The following ITGAX variants were observed in gnomAD, a reference collection of about 807,000 sequenced individuals.
ITGAX encodes integrin subunit alpha X.
ITGAX carries 99 observed loss-of-function variants against 140.2 expected under a neutral mutation model. That is an observed-to-expected ratio of 0.71 (90% CI 0.60 to 0.83). The LOEUF (loss-of-function observed/expected upper bound fraction) is 0.83, where lower values mean the gene tolerates loss of function less well. ITGAX is among the 40% of genes least tolerant of loss of function. ITGAX has a pLI of 0.00. For missense variants in ITGAX, 1,444 were observed against 1,482.0 expected (o/e 0.97, Z 0.42); for synonymous variants, 631 against 600.4 (o/e 1.05, Z -0.75).
At position 31,371,219 on chromosome 16, in the gene ITGAX, G is replaced by C. The variant is rs772886840; in HGVS notation, c.1841+5G>C. ...GGGCCAGGTGCTCCTGCTCAGGTGA[G>C]AGCAGCCTTTCTCAGAGGCTCCCCA... On this transcript the variant is annotated splice_donor_5th_base_variant and intron_variant, in intron 15 of 29. Transcript: ENST00000268296. The C allele has an allele frequency of 1.2e-5, 19 of 1,604,858 alleles. No individual in the cohort carries two copies. Among genetic ancestry groups the C allele is most frequent in the Non-Finnish European group, 1.4e-5 (16 of 1,174,854 alleles).
Position 31,371,674 on chromosome 16 carries a change from G to A in ITGAX, c.2050G>A (p.Gly684Ser), listed in dbSNP as rs1398252593. 1.2e-6 allele frequency: 2 copies of A among 1,614,090 alleles called. No individual in the cohort carries two copies. The highest frequency in any genetic ancestry group is 2.2e-5 in the East Asian group (1 of 44,872). The change falls in exon 17 of 30, where the codon GGC becomes AGC. Residue 684 changes from glycine to serine, a missense_variant. Gly to Ser is a moderately conservative substitution (Grantham distance 56). Transcript: ENST00000268296. ...SVTLDLALDP[G>S]RLSPRATFQE... ...GACCTTGGACCTGGCCCTCGACCCT[G>A]GCCGCCTGAGTCCCCGTGCCACCTT...
chr16:31,363,396 G>C, intron 14 of ITGAX, 22 bp downstream of exon 14: 1 of 1,612,300 alleles, frequency 6.2e-7, no homozygotes, highest in Non-Finnish European at 8.5e-7. Flanking sequence ...TCCCATTTCT[G>C]TCACTAGAGC....
rs775455732 is a variant in ITGAX, at chr16:31,379,661, C to T, written c.2868+15C>T. 5.9e-5 allele frequency: 92 copies of T among 1,566,738 alleles called. No homozygotes were observed. Among genetic ancestry groups the T allele is most frequent in the African/African-American group, 9.5e-5 (7 of 73,788 alleles). ...ACAGATACCAGGCAGGTGGTGGAGA[C>T]GCAGGAGACTGGGCTGGGGTGGGAG... is the stretch of plus-strand genomic sequence containing the variant. On this transcript the variant is annotated intron_variant, in intron 24 of 29. Coordinates refer to ENST00000268296, the MANE Select transcript of ITGAX (RefSeq NM_000887.5).
Position 31,373,273 on chromosome 16 carries a change from T to C in ITGAX, c.2391T>C (p.Ser797=). 1 of 1,612,444 alleles carries C rather than the reference T, an allele frequency of 6.2e-7. No individual in the cohort carries two copies. The highest frequency in any genetic ancestry group is 1.3e-5 in the African/African-American group (1 of 74,734). The change falls in exon 20 of 30, where the codon AGT becomes AGC. Residue 797 remains serine, a synonymous_variant. Coordinates refer to ENST00000268296, the MANE Select transcript of ITGAX (RefSeq NM_000887.5). ...GCTTGAAGTCCCTGCTGGTGGGGAG[T>C]AACCTGGAGCTGAACGCAGAAGTGA... ...FPGLKSLLVG[S]NLELNAEVMV...
rs2080768477 is a variant in ITGAX at position 31,357,027 on chromosome 16, A to G, written c.248-4A>G. The G allele has an allele frequency of 6.2e-7, 1 of 1,606,630 alleles. No individual in the cohort carries two copies. The highest frequency in any genetic ancestry group is 1.3e-5 in the African/African-American group (1 of 74,244). ...AGTGACCATGCACATATCTGTCCCC[A>G]CAGTGCCCCCGGAGGCCGTGAACAT... On this transcript the variant is annotated splice_region_variant and splice_polypyrimidine_tract_variant and intron_variant, in intron 3 of 29. Coordinates refer to ENST00000268296, the MANE Select transcript of ITGAX (RefSeq NM_000887.5).
Position 31,362,980 on chromosome 16 carries a change from A to G in ITGAX, c.1405A>G (p.Ser469Gly), listed in dbSNP as rs2080850178. The G allele has an allele frequency of 6.2e-7, 1 of 1,611,792 alleles. No individual in the cohort carries two copies. Among genetic ancestry groups the G allele is most frequent in the South Asian group, 1.1e-5 (1 of 90,996 alleles). ...GASLCSVDVDSDGSTDLVLIG... is the reference protein window; with the variant it reads ...GASLCSVDVDGDGSTDLVLIG... ...CTCCCTCTGCTCCGTGGACGTAGAC[A>G]GCGACGGCAGCACCGACCTGGTCCT... The change falls in exon 13 of 30, where the codon AGC becomes GGC. Residue 469 changes from serine (S) to glycine (G), a missense_variant. Transcript: ENST00000268296.
chr16:31,365,687 C>G (rs536161023), intron 14 of ITGAX, among the ~76,000 whole-genome samples: 2 of 152,368 alleles, frequency 1.3e-5, no homozygotes, highest in South Asian at 4.1e-4. Context: ...CTTTGGGAGG[C>G]TGAGGCAGGC....
chr16:31,358,967 G>C (rs2080791643), intron 5 of ITGAX, among the ~76,000 whole-genome samples: 1 of 151,678 alleles, frequency 6.6e-6, no homozygotes, highest in South Asian at 2.1e-4. Flanking sequence ...ACAGAGAAGA[G>C]CTACCATGCC....
chr16:31,363,082 G>A lies in ITGAX; in HGVS notation c.1500+7G>A, dbSNP rs765259269. On this transcript the variant is annotated splice_region_variant and intron_variant, in intron 13 of 29. Coordinates refer to ENST00000268296, the MANE Select transcript of ITGAX (RefSeq NM_000887.5). Reference sequence around the variant, plus strand: ...GTGTCCCTTGCCCAGGGGGGTGAGTGGCTGATGGGCCTGGGGTGGGTGGGG... The same window carrying A: ...GTGTCCCTTGCCCAGGGGGGTGAGTAGCTGATGGGCCTGGGGTGGGTGGGG... 1 of 1,608,124 alleles carries A rather than the reference G, an allele frequency of 6.2e-7. No homozygotes were observed. Among genetic ancestry groups the A allele is most frequent in the African/African-American group, 1.3e-5 (1 of 74,714 alleles).
At position 31,382,228 on chromosome 16, in the gene ITGAX, CTT is replaced by C. The variant is rs61575806; in HGVS notation, c.*335_*336del. ...GGCACGAATGATCTTTCTTTCCTTT[CTT>C]TTTTTTTTTTTTTCTTTTCTTTTTT... is the stretch of plus-strand genomic sequence containing the variant. On this transcript the variant is annotated 3_prime_UTR_variant, in exon 30 of 30. Coordinates refer to ENST00000268296, the MANE Select transcript of ITGAX (RefSeq NM_000887.5). The C allele has an allele frequency of 0.015, 13,733 of 894,224 alleles. 70 individuals are homozygous for C. Among genetic ancestry groups the C allele is most frequent in the East Asian group, 0.04 (660 of 16,428 alleles). 55.4% of individuals were successfully genotyped at this position (894,224 alleles called of 1,614,324 possible).
chr16:31,360,722 C>T (rs888595083), intron 8 of ITGAX: 18 of 520,936 alleles, frequency 3.5e-5, no homozygotes, highest in Admixed American at 1.5e-4. Context: ...TGCTATGTTG[C>T]CCAGGCTGGT....
chr16:31,382,332 G>C lies in ITGAX; in HGVS notation c.*425G>C. ...GTGATCTCGGCTCACTGCAACCTCC[G>C]CCTCCCGGGTTCAAGTAATTCTGCT... is the stretch of plus-strand genomic sequence containing the variant. On this transcript the variant is annotated 3_prime_UTR_variant, in exon 30 of 30. Coordinates refer to ENST00000268296, the MANE Select transcript of ITGAX (RefSeq NM_000887.5). The C allele has an allele frequency of 9.1e-7, 1 of 1,103,256 alleles. No homozygotes were observed. The highest frequency in any genetic ancestry group is 1.2e-6 in the Non-Finnish European group (1 of 811,238). 68.3% of individuals were successfully genotyped at this position (1,103,256 alleles called of 1,614,324 possible). A position where few individuals can be genotyped will look rare whatever the true frequency, so the allele number is the denominator to read the frequency against.
At chr16:31,361,369 G>A (rs145691546) in intron 9 of ITGAX, 156 bp downstream of exon 9, 16 of 872,648 alleles carry the variant, frequency 1.8e-5, no homozygotes, top group East Asian at 1.7e-4. Flanking sequence ...CCCCACTGAC[G>A]TCCCCCAGCA....
In ITGAX at chr16:31,357,074, G is replaced by A. The variant is rs371786173; in HGVS notation, c.291G>A (p.Ala97=). ...AVNMSLGLSL[A]STTSPSQLLA... is the part of the protein sequence containing the mutation. ...ACATGTCCCTGGGCCTGTCCCTGGC[G>A]TCTACCACCAGCCCTTCCCAGCTGC... The change falls in exon 4 of 30, where the codon GCG becomes GCA. Residue 97 remains alanine, a synonymous_variant. Transcript: ENST00000268296. 3.7e-5 allele frequency: 60 copies of A among 1,610,068 alleles called. No individual in the cohort carries two copies. The highest frequency in any genetic ancestry group is 9.9e-5 in the South Asian group (9 of 90,960).
At chr16:31,370,201 C>A (rs1438545760) in intron 14 of ITGAX, 1 of 152,192 alleles carries the variant, frequency 6.6e-6, no homozygotes, top group Admixed American at 6.5e-5. Context: ...GATGACCCAC[C>A]CGCCTCGGCC....
intron 5 of ITGAX, among the ~76,000 whole-genome samples, 166 bp from the exon 6 acceptor site, chr16:31,359,534 T>C (rs963161234): frequency 3.9e-5 from 6 of 152,206 alleles, no homozygotes; most frequent in Non-Finnish European, 8.8e-5. Flanking sequence ...AGGGAAGCTC[T>C]GCCCCTGATG....
Position 31,355,937 on chromosome 16 carries a change from A to T in ITGAX, c.82A>T (p.Thr28Ser). ...LGFNLDTEEL[T>S]AFRVDSAGFG... ...TTTCAACTTGGACACAGAGGAGCTG[A>T]CAGCCTTCCGTGTGGACAGCGCTGG... The change falls in exon 2 of 30, where the codon ACA (threonine) becomes TCA (serine). Residue 28 changes from threonine to serine, a missense_variant. Physicochemically the swap from Thr to Ser is moderately conservative, Grantham distance 58 (BLOSUM62 1). Transcript: ENST00000268296. The T allele has an allele frequency of 6.2e-7, 1 of 1,613,914 alleles. No homozygotes were observed. Among genetic ancestry groups the T allele is most frequent in the Non-Finnish European group, 8.5e-7 (1 of 1,179,880 alleles).
intron 14 of ITGAX, among the ~76,000 whole-genome samples, chr16:31,364,852 A>T (rs7203653): frequency 2.7e-5 from 2 of 75,410 alleles, no homozygotes; most frequent in African/African-American, 1.4e-4. Context: ...TACTAAAAAT[A>T]CAAAAAAAAA....
rs952420461 is a variant in ITGAX, at chr16:31,371,669, A to T, written c.2045A>T (p.Asp682Val). 13 of 1,613,930 alleles carry T rather than the reference A, an allele frequency of 8.1e-6. No individual in the cohort carries two copies. The highest frequency in any genetic ancestry group is 1.1e-5 in the Non-Finnish European group (13 of 1,179,996). ...TCTGTGACCTTGGACCTGGCCCTCGACCCTGGCCGCCTGAGTCCCCGTGCC... is the reference window on the plus strand; with the variant it reads ...TCTGTGACCTTGGACCTGGCCCTCGTCCCTGGCCGCCTGAGTCCCCGTGCC... Reference protein sequence around the residue: ...QSSVTLDLALDPGRLSPRATF... With the variant: ...QSSVTLDLALVPGRLSPRATF... The change falls in exon 17 of 30, where the codon GAC (aspartate) becomes GTC (valine). Residue 682 changes from aspartate to valine, a missense_variant. By Grantham distance (152) the Asp-to-Val change is radical. Transcript: ENST00000268296.
Sources: allele counts gnomAD v4.1 joint callset (sites outside exome capture counted in the v4.1 genomes callset), GRCh38; gene constraint gnomAD v4.1.1; transcripts MANE v1.5; gene names NCBI Gene and HGNC (gene_info 2026-07-23, HGNC 2026-07-21).